FMN2: variants seen among roughly 807,000 people sequenced by gnomAD.
FMN2 encodes formin 2.
A neutral mutation model predicts 142.3 loss-of-function variants in FMN2; 51 were observed. The observed-to-expected ratio is 0.36, with a 90% CI of 0.29 to 0.45. FMN2 has a LOEUF of 0.45. FMN2 is among the 20% of genes least tolerant of loss of function. The probability of loss-of-function intolerance (pLI) is 1.00; values close to 1 mark genes in which losing one functional copy is unlikely to be tolerated. For synonymous variants in FMN2, 882 were observed against 869.8 expected (o/e 1.01, Z -0.25); for missense variants, 1,936 against 2,122.8 (o/e 0.91, Z 1.73).
chr1:240,342,397 C>T (rs189282028), intron 13 of FMN2, among the ~76,000 whole-genome samples: 368 of 152,230 alleles, frequency 2.4e-3, no homozygotes, highest in African/African-American at 8.2e-3. Flanking sequence ...TTTCATAATT[C>T]GTCTCATGAA....
intron 7 of FMN2, among the ~76,000 whole-genome samples, chr1:240,273,325 T>C (rs1260766849): frequency 6.6e-6 from 1 of 152,180 alleles, no homozygotes; most frequent in African/African-American, 2.4e-5. Context: ...TGTTTTTATC[T>C]CCATCTTCAG....
At chr1:240,356,859 A>T (rs1030487568) in intron 14 of FMN2, among the ~76,000 whole-genome samples, 2 of 152,208 alleles carry the variant, frequency 1.3e-5, no homozygotes, top group Non-Finnish European at 2.9e-5. Flanking sequence ...CAGCTTTTTT[A>T]AGATGGGAAA....
chr1:240,285,282 G>A, intron 7 of FMN2: 1 of 455,270 alleles, frequency 2.2e-6, no homozygotes, highest in Non-Finnish European at 4.4e-6. Flanking sequence ...GTGAGGGGAA[G>A]GGAGGAATTA....
At chr1:240,157,975 A>G (rs1558327246) in intron 2 of FMN2, among the ~76,000 whole-genome samples, 1 of 108,004 alleles carries the variant, frequency 9.3e-6, no homozygotes, top group Non-Finnish European at 1.8e-5. Context: ...TGTCTCTACT[A>G]AAAAAAAAAA....
At chr1:240,228,638 C>A (rs1326362135) in intron 6 of FMN2, among the ~76,000 whole-genome samples, 1 of 151,914 alleles carries the variant, frequency 6.6e-6, no homozygotes, top group Non-Finnish European at 1.5e-5. Flanking sequence ...CAAGTCTTAG[C>A]CTATTTATGC....
intron 6 of FMN2, among the ~76,000 whole-genome samples, chr1:240,212,992 C>T (rs562236317): frequency 2.2e-4 from 34 of 152,188 alleles, no homozygotes; most frequent in African/African-American, 8.2e-4. Context: ...TAAGGGAATA[C>T]AGATAAGGAA....
Position 240,113,092 on chromosome 1 carries a change from T to G in FMN2, c.1616-10087T>G, listed in dbSNP as rs528239105. On this transcript the variant is annotated intron_variant, in intron 1 of 17. Coordinates refer to ENST00000319653, the MANE Select transcript of FMN2 (RefSeq NM_020066.5). ...TTACTCTAGGGCCAATGATTTTCAT[T>G]TATTGGTGTGGTTGACATGTCTGTC... Among the ~76,000 whole-genome samples the G allele has an allele frequency of 1.9e-3, 287 of 152,240 alleles. 1 individual carries two copies. Among genetic ancestry groups the G allele is most frequent in the African/African-American group, 6.3e-3 (261 of 41,540 alleles).
chr1:240,214,121 A>G (rs983340119), intron 6 of FMN2, among the ~76,000 whole-genome samples: 2 of 152,238 alleles, frequency 1.3e-5, no homozygotes, highest in Non-Finnish European at 2.9e-5. Flanking sequence ...TACACAAAAG[A>G]TTAGCTGAGA....
intron 2 of FMN2, among the ~76,000 whole-genome samples, chr1:240,133,556 C>T (rs1172868601): frequency 6.6e-6 from 1 of 152,140 alleles, no homozygotes; most frequent in African/African-American, 2.4e-5. Context: ...AATACTTTCC[C>T]ACTTCTACCT....
chr1:240,334,841 A>G (rs1219634543), intron 13 of FMN2, among the ~76,000 whole-genome samples: 1 of 152,130 alleles, frequency 6.6e-6, no homozygotes, highest in Non-Finnish European at 1.5e-5. Flanking sequence ...TTTTCTTGAT[A>G]TTCTTATTGA....
At chr1:240,144,357 C>T in intron 2 of FMN2, 1 of 1,606,366 alleles carries the variant, frequency 6.2e-7, no homozygotes, top group Non-Finnish European at 8.5e-7. Flanking sequence ...ACCTTGGGCT[C>T]CATGATGTCC....
intron 6 of FMN2, among the ~76,000 whole-genome samples, chr1:240,238,541 G>A (rs965070532): frequency 6.6e-6 from 1 of 152,078 alleles, no homozygotes; most frequent in Non-Finnish European, 1.5e-5. Flanking sequence ...ATTTAATCTT[G>A]TGATTTTGTT....
chr1:240,323,897 G>C (rs1671064373), intron 8 of FMN2, among the ~76,000 whole-genome samples: 2 of 152,144 alleles, frequency 1.3e-5, no homozygotes, highest in South Asian at 4.1e-4. Flanking sequence ...AAGGACAGCT[G>C]ATTCCCAATG....
chr1:240,107,442 A>G (rs1201650050), intron 1 of FMN2, among the ~76,000 whole-genome samples: 3 of 152,210 alleles, frequency 2.0e-5, no homozygotes, highest in African/African-American at 7.2e-5. Context: ...AGAAGCTGCC[A>G]TTTATTAGAG....
At chr1:240,231,285 T>G (rs1379885903) in intron 6 of FMN2, among the ~76,000 whole-genome samples, 1 of 132,476 alleles carries the variant, frequency 7.5e-6, no homozygotes, top group African/African-American at 3.2e-5. Context: ...AAAACAAAGC[T>G]TTTTCTTTTT....
rs560098984 is a variant in FMN2 at position 240,361,063 on chromosome 1, A to G, written c.4858+5155A>G. Among the ~76,000 whole-genome samples, 361 of 150,730 alleles carry G rather than the reference A, an allele frequency of 2.4e-3. 1 individual carries two copies. The highest frequency in any genetic ancestry group is 8.1e-3 in the African/African-American group (334 of 41,176). On this transcript the variant is annotated intron_variant, in intron 14 of 17. Coordinates refer to ENST00000319653, the MANE Select transcript of FMN2 (RefSeq NM_020066.5). ...TGCAGCACACCAACATGGCACATGT[A>G]TACATATGTAACAAACCTGCACATT...
chr1:240,439,795 G>C (rs1215075639), intron 16 of FMN2, among the ~76,000 whole-genome samples: 2 of 149,614 alleles, frequency 1.3e-5, no homozygotes, highest in East Asian at 2.0e-4. Flanking sequence ...CCAAAAACAG[G>C]CTTGCTCAGT....
At chr1:240,143,907 C>T (rs1335059155) in intron 2 of FMN2, 54 of 1,559,566 alleles carry the variant, frequency 3.5e-5, no homozygotes, top group Non-Finnish European at 2.6e-5. Flanking sequence ...TGATTTGAGC[C>T]AGCGTAGGCC....
chr1:240,420,870 CA>C (rs35480435), intron 15 of FMN2, among the ~76,000 whole-genome samples: 1 of 152,024 alleles, frequency 6.6e-6, no homozygotes, highest in Non-Finnish European at 1.5e-5. Context: ...TCAGGTTCTA[CA>C]AAAAGCAAGT....
Sources: gnomAD v4.1 joint callset for allele counts (sites outside exome capture counted in the v4.1 genomes callset) on GRCh38, gnomAD v4.1.1 for gene constraint, MANE v1.5 for transcripts, NCBI Gene and HGNC (gene_info 2026-07-23, HGNC 2026-07-21) for gene names.